The following TLR2 variants were observed in gnomAD, a reference collection of about 807,000 sequenced individuals.
The protein encoded by TLR2 is toll like receptor 2.
In TLR2, 7 loss-of-function variants were observed where a neutral mutation model predicts 9.1. That is an observed-to-expected ratio of 0.77 (90% CI 0.44 to 1.44). TLR2 has a LOEUF of 1.44. TLR2 is among the 40% of genes most tolerant of loss of function. The pLI is 0.01. For missense variants in TLR2, 812 were observed against 904.6 expected (o/e 0.90, Z 1.31); for synonymous variants, 317 against 344.6 (o/e 0.92, Z 0.89).
intron 2 of TLR2, among the ~76,000 whole-genome samples, chr4:153,694,634 A>G (rs1051593836): frequency 6.6e-6 from 1 of 152,244 alleles, no homozygotes. Flanking sequence ...ACATCACGGT[A>G]AAAGGGGTAT....
chr4:153,710,509 G>A (rs769997403), downstream of TLR2: 1 of 1,607,312 alleles, frequency 6.2e-7, no homozygotes, highest in South Asian at 1.1e-5. Flanking sequence ...AGTTAAGGAG[G>A]TTGTTCTATA....
At chr4:153,687,225 G>A (rs148699795) in intron 1 of TLR2, among the ~76,000 whole-genome samples, 6 of 152,154 alleles carry the variant, frequency 3.9e-5, no homozygotes, top group African/African-American at 7.2e-5. Context: ...TAGAAATGAA[G>A]AGTGACGAAA....
rs1376796484 is a variant in TLR2, at chr4:153,703,097, A to T, written c.190A>T (p.Ile64Phe). 1 of 1,614,046 alleles carries T rather than the reference A, an allele frequency of 6.2e-7. No homozygotes were observed. The highest frequency in any genetic ancestry group is 8.5e-7 in the Non-Finnish European group (1 of 1,180,032). The change falls in exon 3 of 3, where the codon ATC becomes TTC. Residue 64 changes from isoleucine to phenylalanine, a missense_variant. Physicochemically the swap from Ile to Phe is conservative, Grantham distance 21. Coordinates refer to ENST00000642700, the MANE Select transcript of TLR2 (RefSeq NM_001318789.2). ...VKSLDLSNNR[I>F]TYISNSDLQR... ...AAGCCTTGACCTGTCCAACAACAGG[A>T]TCACCTACATTAGCAACAGTGACCT...
At chr4:153,699,080 G>A (rs189000067) in intron 2 of TLR2, among the ~76,000 whole-genome samples, 7 of 152,226 alleles carry the variant, frequency 4.6e-5, no homozygotes, top group African/African-American at 1.7e-4. Flanking sequence ...TCTAATTGTT[G>A]GTAGCCTCCA....
chr4:153,702,877 C>T lies in TLR2; in HGVS notation c.-16-15C>T, dbSNP rs1232563515. 1.9e-6 allele frequency: 3 copies of T among 1,555,562 alleles called. No individual in the cohort carries two copies. Among genetic ancestry groups the T allele is most frequent in the East Asian group, 2.3e-5 (1 of 44,074 alleles). ...GTCAAACACAATGACTTATTTGAAC[C>T]TCTTTTATTTGTAGGTTGAAGCACT... On this transcript the variant is annotated splice_polypyrimidine_tract_variant and intron_variant, in intron 2 of 2. Coordinates refer to ENST00000642700, the MANE Select transcript of TLR2 (RefSeq NM_001318789.2).
At chr4:153,697,200 T>A (rs1440714493) in intron 2 of TLR2, among the ~76,000 whole-genome samples, 3 of 152,082 alleles carry the variant, frequency 2.0e-5, no homozygotes, top group Non-Finnish European at 4.4e-5. Context: ...TTAAAAAAAT[T>A]GAGCATGAAT....
Position 153,704,418 on chromosome 4 carries a change from T to G in TLR2, c.1511T>G (p.Leu504Trp). 6.2e-7 allele frequency: 1 copy of G among 1,614,198 alleles called. No homozygotes were observed. ...TCCCTCTTACCCATGTTACTAGTAT[T>G]GAAAATCAGTAGGAATGCAATAACT... ...DASLLPMLLV[L>W]KISRNAITTF... The change falls in exon 3 of 3, where the codon TTG (leucine) becomes TGG (tryptophan). Residue 504 changes from leucine to tryptophan, a missense_variant. Transcript: ENST00000642700.
intron 2 of TLR2, among the ~76,000 whole-genome samples, chr4:153,700,788 G>T (rs980629542): frequency 2.0e-5 from 3 of 152,110 alleles, no homozygotes; most frequent in African/African-American, 7.2e-5. Flanking sequence ...CTGGTATAGG[G>T]ATAGACAAAT....
At chr4:153,689,364 C>T (rs1281371270) in intron 2 of TLR2, among the ~76,000 whole-genome samples, 1 of 152,212 alleles carries the variant, frequency 6.6e-6, no homozygotes, top group African/African-American at 2.4e-5. Context: ...GCTATTTCTA[C>T]CATCTGACCA....
chr4:153,688,930 G>T (rs901512566), intron 2 of TLR2, among the ~76,000 whole-genome samples: 1 of 152,208 alleles, frequency 6.6e-6, no homozygotes, highest in African/African-American at 2.4e-5. Context: ...TTGTCACAGT[G>T]AGCTACTTCT....
Position 153,703,921 on chromosome 4 carries a change from T to C in TLR2, c.1014T>C (p.Val338=), listed in dbSNP as rs757291372. 2 of 1,613,028 alleles carry C rather than the reference T, an allele frequency of 1.2e-6. No homozygotes were observed. The highest frequency in any genetic ancestry group is 1.7e-6 in the Non-Finnish European group (2 of 1,179,792). The stretch of plus-strand genomic sequence containing the variant: ...CTTTATATTCACTTACAGAAAGAGT[T>C]AAAAGAATCACAGTAGAAAACAGTA... ...LSTLYSLTER[V]KRITVENSKV... The change falls in exon 3 of 3, where the codon GTT becomes GTC. Residue 338 remains valine, a synonymous_variant. Coordinates refer to ENST00000642700, the MANE Select transcript of TLR2 (RefSeq NM_001318789.2).
intron 1 of TLR2, among the ~76,000 whole-genome samples, chr4:153,687,658 A>G (rs923626528): frequency 6.6e-6 from 1 of 152,174 alleles, no homozygotes; most frequent in Admixed American, 6.5e-5. Flanking sequence ...GCTTTAGCCA[A>G]TCACAGGCAG....
At position 153,703,360 on chromosome 4, in the gene TLR2, G is replaced by A; in HGVS notation, c.453G>A (p.Leu151=). Reference sequence around the variant, plus strand: ...CTCTTTTTTCTCATCTCACAAAATTGCAAATCCTGAGAGTGGGAAATATGG... The same window carrying A: ...CTCTTTTTTCTCATCTCACAAAATTACAAATCCTGAGAGTGGGAAATATGG... ...ETSLFSHLTK[L]QILRVGNMDT... Residue 151 remains leucine, a synonymous_variant, in exon 3 of 3, where the codon TTG becomes TTA. Coordinates refer to ENST00000642700, the MANE Select transcript of TLR2 (RefSeq NM_001318789.2). The A allele has an allele frequency of 6.2e-7, 1 of 1,613,892 alleles. No individual in the cohort carries two copies. The highest frequency in any genetic ancestry group is 8.5e-7 in the Non-Finnish European group (1 of 1,179,992).
chr4:153,702,762 T>TTGTG (rs141605367), intron 2 of TLR2, 130 bp from the exon 3 acceptor site: 30,372 of 411,510 alleles, frequency 0.074, 1,289 homozygotes, highest in Admixed American at 0.18. Flanking sequence ...CTCTCTCTCT[T>TTGTG]TGTGTGTGTG....
intron 2 of TLR2, among the ~76,000 whole-genome samples, chr4:153,698,933 C>G (rs1736693963): frequency 6.6e-6 from 1 of 152,124 alleles, no homozygotes; most frequent in African/African-American, 2.4e-5. Flanking sequence ...GTCACATATT[C>G]AGATTTCATG....
downstream of TLR2, chr4:153,710,287 T>C (rs1737474033): frequency 9.1e-7 from 1 of 1,095,652 alleles, no homozygotes; most frequent in Non-Finnish European, 1.3e-6. Flanking sequence ...CTTGGGATCA[T>C]CTCTAAAATT....
At chr4:153,696,294 G>C (rs1314560685) in intron 2 of TLR2, among the ~76,000 whole-genome samples, 1 of 152,074 alleles carries the variant, frequency 6.6e-6, no homozygotes, top group East Asian at 1.9e-4. Flanking sequence ...TAACAATATT[G>C]ATTTTTCCAA....
chr4:153,700,823 A>G lies in TLR2; in HGVS notation c.-16-2069A>G, dbSNP rs772166545. Among the ~76,000 whole-genome samples the G allele has an allele frequency of 4.7e-4, 71 of 151,878 alleles. 1 individual carries two copies. Among genetic ancestry groups the G allele is most frequent in the Middle Eastern group, 6.8e-3 (2 of 292 alleles). On this transcript the variant is annotated intron_variant, in intron 2 of 2. Transcript: ENST00000642700. ...TGAACATTGGATCAGAATAGCACTG[A>G]AACAAGATCTACCCCTATATGGGCA...
At chr4:153,685,727 C>T (rs1041959885) in intron 1 of TLR2, among the ~76,000 whole-genome samples, 10 of 152,044 alleles carry the variant, frequency 6.6e-5, no homozygotes, top group African/African-American at 2.4e-4. Flanking sequence ...TTTTGGGGTA[C>T]AGTTTTATTG....
Sources: allele counts gnomAD v4.1 joint callset (sites outside exome capture counted in the v4.1 genomes callset), GRCh38; gene constraint gnomAD v4.1.1; transcripts MANE v1.5; gene names NCBI Gene and HGNC (gene_info 2026-07-23, HGNC 2026-07-21).